Variants in FBLN1 observed in about 807,000 individuals in gnomAD.
FBLN1 encodes the protein fibulin 1, also known as fibulin-1.
A neutral mutation model predicts 89.7 loss-of-function variants in FBLN1; 34 were observed. That is an observed-to-expected ratio of 0.38 (90% CI 0.29 to 0.50). The LOEUF (loss-of-function observed/expected upper bound fraction) is 0.50. FBLN1 is among the 20% of genes least tolerant of loss of function. The pLI, the probability that FBLN1 is intolerant of heterozygous loss-of-function variation, is 0.92. For missense variants in FBLN1, 777 were observed against 988.1 expected (o/e 0.79, Z 2.86); for synonymous variants, 393 against 391.3 (o/e 1.00, Z -0.05).
intron 16 of FBLN1, among the ~76,000 whole-genome samples, chr22:45,585,887 A>C (rs1486797461): frequency 2.0e-5 from 3 of 152,080 alleles, no homozygotes; most frequent in Non-Finnish European, 4.4e-5. Context: ...CCCCCGAAAC[A>C]GCTGCTGTTA....
chr22:45,533,596 G>C (rs143501053), intron 6 of FBLN1, among the ~76,000 whole-genome samples, 165 bp from the exon 7 acceptor site: 1 of 152,166 alleles, frequency 6.6e-6, no homozygotes, highest in Non-Finnish European at 1.5e-5. Flanking sequence ...CACTGCTTTC[G>C]ACTCCGTGCA....
Position 45,527,885 on chromosome 22 carries a change from G to A in FBLN1, c.360G>A (p.Gln120=). The part of the protein sequence containing the change: ...CHCCLLGRAA[Q]AQGQSCEYSL... ...GCTGTCTGCTGGGGAGGGCGGCCCA[G>A]GCCCAGGGCCAGAGCTGCGAGTACA... Residue 120 remains glutamine, a synonymous_variant, in exon 4 of 17, where the codon CAG becomes CAA. Transcript: ENST00000327858. 1 of 1,614,184 alleles carries A rather than the reference G, an allele frequency of 6.2e-7. No individual in the cohort carries two copies. The highest frequency in any genetic ancestry group is 8.5e-7 in the Non-Finnish European group (1 of 1,180,044).
intron 1 of FBLN1, among the ~76,000 whole-genome samples, chr22:45,514,690 T>G (rs1380840364): frequency 6.6e-6 from 1 of 152,174 alleles, no homozygotes; most frequent in African/African-American, 2.4e-5. Flanking sequence ...TCGGGCCCCT[T>G]GCCCTGGCTC....
chr22:45,564,947 T>A (rs1463522892), intron 14 of FBLN1: 1 of 1,614,124 alleles, frequency 6.2e-7, no homozygotes, highest in South Asian at 1.1e-5. Context: ...ACTGCAGGGT[T>A]CTTCCATGGA....
At position 45,581,096 on chromosome 22, in the gene FBLN1, G is replaced by T. The variant is rs1379031816; in HGVS notation, c.1972+3988G>T. Among the ~76,000 whole-genome samples, 2 of 152,208 alleles carry T rather than the reference G, an allele frequency of 1.3e-5. No individual in the cohort carries two copies. Among genetic ancestry groups the T allele is most frequent in the Non-Finnish European group, 2.9e-5 (2 of 68,028 alleles). On this transcript the variant is annotated intron_variant, in intron 16 of 16. Transcript: ENST00000327858. The surrounding 1 kb of genome is among the most constrained non-coding windows in gnomAD (Gnocchi z 7.6). ...TGCAGCCTGTAATCCGGGGTGCTCT[G>T]GGAAGAGATCTTTCAGGTAGTATAT...
chr22:45,567,289 G>A (rs2088908162), intron 14 of FBLN1, among the ~76,000 whole-genome samples: 1 of 152,234 alleles, frequency 6.6e-6, no homozygotes, highest in Admixed American at 6.5e-5. Flanking sequence ...GTGTGGTAAG[G>A]AGGAAAGGGC....
intron 1 of FBLN1, among the ~76,000 whole-genome samples, chr22:45,515,165 G>C (rs1184654928): frequency 1.3e-5 from 2 of 152,222 alleles, no homozygotes; most frequent in African/African-American, 2.4e-5. Flanking sequence ...CCCGGCAATT[G>C]ATTGGTGAGT....
In FBLN1 at chr22:45,563,112, G is replaced by A. The variant is rs11551; in HGVS notation, c.1698-11399G>A. 52 of 1,613,322 alleles carry A rather than the reference G, an allele frequency of 3.2e-5. No individual in the cohort carries two copies. The African/African-American group carries it at 4.5e-4, about 14-fold the overall frequency. On this transcript the variant is annotated intron_variant, in intron 14 of 16. Transcript: ENST00000327858. This position sits in a 1 kb window ranked among gnomAD's most constrained non-coding sequence, Gnocchi z 5.7. ...AATGAGGAGGGCTTTTTCACCACCC[G>A]GAAGGTGAGCCCCCACAGTGGGGTG...
chr22:45,521,992 T>C (rs569013894), intron 2 of FBLN1, among the ~76,000 whole-genome samples: 9 of 152,228 alleles, frequency 5.9e-5, no homozygotes, highest in African/African-American at 1.9e-4. Flanking sequence ...AGCTCTTTTT[T>C]TTTTTCTTTT....
chr22:45,547,271 C>T, intron 12 of FBLN1, 67 bp downstream of exon 12: 1 of 1,600,138 alleles, frequency 6.2e-7, no homozygotes, highest in Non-Finnish European at 8.5e-7. Context: ...AGCAGCACGG[C>T]CTCTGACTTT....
At position 45,533,775 on chromosome 22, in the gene FBLN1, A is replaced by C. The variant is rs146491057; in HGVS notation, c.661A>C (p.Ile221Leu). 3 of 1,612,586 alleles carry C rather than the reference A, an allele frequency of 1.9e-6. No homozygotes were observed. The highest frequency in any genetic ancestry group is 2.5e-6 in the Non-Finnish European group (3 of 1,180,002). ...GVSCEDVNECITGSHSCRLGE... is the reference protein window; with the variant it reads ...GVSCEDVNECLTGSHSCRLGE... The stretch of plus-strand genomic sequence containing the variant: ...GTCTCTCCTAGATGTCAATGAATGC[A>C]TCACGGGCAGCCACAGCTGCCGGCT... The change falls in exon 7 of 17, where the codon ATC (isoleucine) becomes CTC (leucine). Residue 221 changes from isoleucine to leucine, a missense_variant. Coordinates refer to ENST00000327858, the MANE Select transcript of FBLN1 (RefSeq NM_006486.3).
intron 12 of FBLN1, among the ~76,000 whole-genome samples, chr22:45,547,648 C>T (rs948961672): frequency 6.6e-6 from 1 of 152,068 alleles, no homozygotes; most frequent in Non-Finnish European, 1.5e-5. Flanking sequence ...GATCCTCTTG[C>T]TTCAGCCTCC....
intron 16 of FBLN1, among the ~76,000 whole-genome samples, chr22:45,596,866 TTAAAC>T (rs61103191): frequency 0.28 from 40,738 of 145,264 alleles, 7,821 homozygotes; most frequent in African/African-American, 0.57. Context: ...AAAATACACT[TTAAAC>T]TATTTAAAAT....
chr22:45,600,241 T>C (rs1920924521), intron 16 of FBLN1, 66 bp from the exon 17 acceptor site: 1 of 1,605,474 alleles, frequency 6.2e-7, no homozygotes, highest in Admixed American at 1.7e-5. Flanking sequence ...AGGGAAACCA[T>C]TTCCCAGATC....
chr22:45,523,765 T>A lies in FBLN1; in HGVS notation c.186-1778T>A, dbSNP rs571498436. 3.9e-5 allele frequency among the ~76,000 whole-genome samples: 6 copies of A among 152,300 alleles called. No homozygotes were observed. The South Asian group carries it at 1.2e-3, about 32-fold the overall frequency. On this transcript the variant is annotated intron_variant, in intron 2 of 16. Transcript: ENST00000327858. ...ACTGCTGTGAACATGGGTGTGCAAG[T>A]ATCTGTTTGAAACCATGCTTCAGTT...
At chr22:45,582,463 G>A (rs2089050680) in intron 16 of FBLN1, among the ~76,000 whole-genome samples, 1 of 152,222 alleles carries the variant, frequency 6.6e-6, no homozygotes, top group Non-Finnish European at 1.5e-5. Context: ...GTCTCTCTCC[G>A]GCTCTTTACC....
chr22:45,559,916 C>T (rs2088831326), intron 14 of FBLN1, among the ~76,000 whole-genome samples: 1 of 152,222 alleles, frequency 6.6e-6, no homozygotes, highest in African/African-American at 2.4e-5. Flanking sequence ...TCAAGGGGTT[C>T]TGGGTCTGTA....
intron 14 of FBLN1, among the ~76,000 whole-genome samples, chr22:45,553,388 G>T (rs553590190): frequency 1.3e-5 from 2 of 152,328 alleles, no homozygotes; most frequent in East Asian, 3.9e-4. Flanking sequence ...TGCGTGGCAG[G>T]GGGGGACGGG....
At chr22:45,510,264 C>A (rs1347461609) in intron 1 of FBLN1, among the ~76,000 whole-genome samples, 1 of 152,126 alleles carries the variant, frequency 6.6e-6, no homozygotes, top group Non-Finnish European at 1.5e-5. Context: ...TGGAATCGGG[C>A]CGGCTTTGTA....
Sources: gnomAD v4.1 joint callset for allele counts (sites outside exome capture counted in the v4.1 genomes callset) on GRCh38, gnomAD v4.1.1 for gene constraint, Gnocchi (gnomAD v3.1) non-coding constraint, MANE v1.5 for transcripts, NCBI Gene and HGNC (gene_info 2026-07-23, HGNC 2026-07-21) for gene names.